The following IQSEC1 variants were observed in gnomAD, a reference collection of about 807,000 sequenced individuals.
IQSEC1 encodes IQ motif and SEC7 domain-containing protein 1.
IQSEC1 carries 31 observed loss-of-function variants against 91.0 expected under a neutral mutation model. The observed-to-expected ratio is 0.34, with a 90% confidence interval of 0.26 to 0.46. IQSEC1 has a LOEUF of 0.46. Ranked by LOEUF, IQSEC1 falls within the 20% of genes least tolerant of loss-of-function variation. IQSEC1 has a pLI of 1.00. For synonymous variants in IQSEC1, 699 were observed against 662.6 expected (o/e 1.05, Z -0.84); for missense variants, 1,388 against 1,575.6 (o/e 0.88, Z 2.02).
At chr3:13,012,460 T>C (rs971839984) in intron 1 of IQSEC1, among the ~76,000 whole-genome samples, 1 of 152,194 alleles carries the variant, frequency 6.6e-6, no homozygotes, top group Non-Finnish European at 1.5e-5. Context: ...CTGAGTGCCA[T>C]GTGTAGTCAT....
intron 1 of IQSEC1, among the ~76,000 whole-genome samples, chr3:13,042,592 C>T (rs1704322373): frequency 2.0e-5 from 3 of 152,228 alleles, no homozygotes; most frequent in South Asian, 4.1e-4. Context: ...TCGCCTGGCC[C>T]GGCTCATGCT....
chr3:12,913,196 C>T (rs1217901951), intron 9 of IQSEC1, among the ~76,000 whole-genome samples: 1 of 152,198 alleles, frequency 6.6e-6, no homozygotes. Flanking sequence ...GTGCTGCTGA[C>T]GTTGGCAGAG....
chr3:12,969,829 C>T (rs1700810084), intron 1 of IQSEC1, among the ~76,000 whole-genome samples: 1 of 152,208 alleles, frequency 6.6e-6, no homozygotes, highest in Admixed American at 6.5e-5. Flanking sequence ...TTTGGAATAC[C>T]AGATGATGGA....
intron 3 of IQSEC1, among the ~76,000 whole-genome samples, chr3:12,929,209 T>C (rs1697427086): frequency 6.6e-6 from 1 of 152,178 alleles, no homozygotes; most frequent in African/African-American, 2.4e-5. Context: ...GTTCACACAA[T>C]GGTTACTGTG....
At chr3:13,197,730 C>T (rs1424220179) in intron 1 of IQSEC1, among the ~76,000 whole-genome samples, 1 of 152,192 alleles carries the variant, frequency 6.6e-6, no homozygotes. Context: ...ATCAACATTG[C>T]AAGCTGGTAG....
intron 3 of IQSEC1, among the ~76,000 whole-genome samples, chr3:12,926,444 C>A (rs1697144600): frequency 6.6e-6 from 1 of 152,246 alleles, no homozygotes; most frequent in African/African-American, 2.4e-5. Flanking sequence ...GCCATCAGGC[C>A]AGACTGGCTC....
chr3:13,253,449 G>A (rs911555745), intron 1 of IQSEC1, among the ~76,000 whole-genome samples: 2 of 152,142 alleles, frequency 1.3e-5, no homozygotes, highest in Admixed American at 6.5e-5. Flanking sequence ...TGAGTGGTGC[G>A]GTGACACTGG....
chr3:13,070,686 T>C (rs1045894412), intron 1 of IQSEC1, among the ~76,000 whole-genome samples: 7 of 152,196 alleles, frequency 4.6e-5, no homozygotes, highest in African/African-American at 1.7e-4. Flanking sequence ...GTATTTCTGG[T>C]GCCAATAGGT....
chr3:13,241,635 G>C (rs1482492229), intron 1 of IQSEC1, among the ~76,000 whole-genome samples: 6 of 152,262 alleles, frequency 3.9e-5, no homozygotes, highest in African/African-American at 1.4e-4. Flanking sequence ...CACCGTTCAT[G>C]ACAAATGAGG....
chr3:12,954,776 T>C (rs1699793622), intron 1 of IQSEC1, among the ~76,000 whole-genome samples: 1 of 152,194 alleles, frequency 6.6e-6, no homozygotes, highest in Non-Finnish European at 1.5e-5. Flanking sequence ...AATGAATGAA[T>C]GATGCTGCTA....
chr3:13,129,356 G>C (rs1706568310), intron 2 of IQSEC1, among the ~76,000 whole-genome samples: 1 of 152,104 alleles, frequency 6.6e-6, no homozygotes, highest in African/African-American at 2.4e-5. Context: ...TTGGTAATTT[G>C]TGTCTTTTCT....
chr3:13,096,620 C>T (rs1188341259), intron 2 of IQSEC1, among the ~76,000 whole-genome samples: 1 of 152,122 alleles, frequency 6.6e-6, no homozygotes, highest in East Asian at 1.9e-4. Context: ...AAAACACACC[C>T]CAGAGAGGAA....
intron 2 of IQSEC1, among the ~76,000 whole-genome samples, chr3:13,124,023 G>A (rs7644370): frequency 0.09 from 13,763 of 152,298 alleles, 1,922 homozygotes; most frequent in African/African-American, 0.3. Context: ...GCCAAGGGAT[G>A]CTGCCAACTC....
intron 8 of IQSEC1, among the ~76,000 whole-genome samples, chr3:12,914,831 C>T (rs1478188801): frequency 6.6e-6 from 1 of 151,988 alleles, no homozygotes; most frequent in African/African-American, 2.4e-5. Flanking sequence ...TCAGAGGACA[C>T]ACCGGGGTCT....
chr3:12,952,525 G>A (rs1307169733), intron 1 of IQSEC1, among the ~76,000 whole-genome samples: 3 of 151,254 alleles, frequency 2.0e-5, no homozygotes, highest in South Asian at 2.1e-4. Context: ...ACCCCACCCC[G>A]CCCCTCTCCA....
chr3:13,142,780 G>T (rs950940141), intron 2 of IQSEC1, among the ~76,000 whole-genome samples: 4 of 152,192 alleles, frequency 2.6e-5, no homozygotes, highest in Non-Finnish European at 5.9e-5. Flanking sequence ...GCAGTCAAGG[G>T]CTGTTTTTAA....
At chr3:13,235,417 G>T (rs1163707396) in intron 1 of IQSEC1, among the ~76,000 whole-genome samples, 1 of 152,200 alleles carries the variant, frequency 6.6e-6, no homozygotes, top group Non-Finnish European at 1.5e-5. Context: ...GCTCAAAGGT[G>T]GGGAGAGCCC....
chr3:12,915,624 C>G lies in IQSEC1; in HGVS notation c.2130G>C (p.Lys710Asn). 1 of 1,614,138 alleles carries G rather than the reference C, an allele frequency of 6.2e-7. No homozygotes were observed. ...TTTTCCCCACAATGAGCTTCTCCACCTTCTGCACCTGGGACACATGGTCCT... is the reference window on the plus strand; with the variant it reads ...TTTTCCCCACAATGAGCTTCTCCACGTTCTGCACCTGGGACACATGGTCCT... ...TNEDHVSQVQ[K>N]VEKLIVGKKP... The change falls in exon 7 of 14, where the codon AAG (lysine) becomes AAC (asparagine). Residue 710 changes from lysine to asparagine, a missense_variant. This residue lies in a region of IQSEC1 where 1,059 missense variants were observed against 1,317.8 expected (regional missense o/e 0.80). Transcript: ENST00000613206.
At chr3:13,227,002 A>C (rs2125083189) in intron 1 of IQSEC1, among the ~76,000 whole-genome samples, 1 of 152,210 alleles carries the variant, frequency 6.6e-6, no homozygotes, top group East Asian at 1.9e-4. Flanking sequence ...GGATCGTTTG[A>C]GCCCAGGAGT....
Sources: allele counts gnomAD v4.1 joint callset (sites outside exome capture counted in the v4.1 genomes callset), GRCh38; gene constraint gnomAD v4.1.1; regional missense constraint gnomAD v4.1.1; transcripts MANE v1.5; gene names NCBI Gene and HGNC (gene_info 2026-07-23, HGNC 2026-07-21).